The following PHF13 variants were observed in gnomAD, a reference collection of about 807,000 sequenced individuals.
PHF13 encodes PHD zinc finger protein PHF5.
In PHF13, 1 loss-of-function variant was observed where a neutral mutation model predicts 25.8. That is an observed-to-expected ratio of 0.04 (90% confidence interval 0.01 to 0.18). The LOEUF is 0.18. PHF13 is among the 10% of genes least tolerant of loss of function. The pLI is 1.00. For synonymous variants in PHF13, 195 were observed against 162.4 expected (o/e 1.20, Z -1.53); for missense variants, 306 against 403.2 (o/e 0.76, Z 2.06).
chr1:6,616,839 A>G lies in PHF13; in HGVS notation c.122A>G (p.Tyr41Cys), dbSNP rs908608187. 10 of 1,613,936 alleles carry G rather than the reference A, an allele frequency of 6.2e-6. No individual in the cohort carries two copies. The highest frequency in any genetic ancestry group is 8.5e-6 in the Non-Finnish European group (10 of 1,179,902). Residue 41 changes from tyrosine to cysteine, a missense_variant, in exon 2 of 4, where the codon TAC becomes TGC. Around this residue, in one of 5 missense-constraint regions of PHF13, gnomAD observed 36 missense variants for 76.0 expected, o/e 0.47. Coordinates refer to ENST00000377648, the MANE Select transcript of PHF13 (RefSeq NM_153812.3). ...ACCTTTGTCTTGGCCTATGCTGGCT[A>G]CATCCCTTATCCGAAGGAGGTAATC... ...FCTFVLAYAG[Y>C]IPYPKEELPL...
intron 3 of PHF13, 129 bp downstream of exon 3, chr1:6,620,466 C>T: frequency 1.9e-6 from 2 of 1,060,428 alleles, no homozygotes; most frequent in South Asian, 1.7e-5. Flanking sequence ...CCCCACTGTC[C>T]AAGGAGGAGA....
At chr1:6,614,368 C>T (rs932212305) in intron 1 of PHF13, 2 of 469,154 alleles carry the variant, frequency 4.3e-6, no homozygotes, top group Non-Finnish European at 7.5e-6. Flanking sequence ...GCCTATTTCT[C>T]TCCCCCGGGC....
At position 6,620,155 on chromosome 1, in the gene PHF13, G is replaced by A; in HGVS notation, c.494G>A (p.Ser165Asn). 1 of 1,613,920 alleles carries A rather than the reference G, an allele frequency of 6.2e-7. No homozygotes were observed. Among genetic ancestry groups the A allele is most frequent in the Non-Finnish European group, 8.5e-7 (1 of 1,180,034 alleles). ...PTLQDIPQAP[S>N]DPCSGWDSDT... Reference sequence around the variant, plus strand: ...TTGCAGGATATCCCCCAGGCTCCCAGCGACCCCTGCTCGGGCTGGGACTCC... The same window carrying A: ...TTGCAGGATATCCCCCAGGCTCCCAACGACCCCTGCTCGGGCTGGGACTCC... Residue 165 changes from serine to asparagine, a missense_variant, in exon 3 of 4, where the codon AGC becomes AAC. By Grantham distance (46) the Ser-to-Asn change is conservative. Transcript: ENST00000377648.
Position 6,623,111 on chromosome 1 carries a change from C to T in PHF13, c.*1474C>T, listed in dbSNP as rs1570232959. The T allele has an allele frequency of 6.6e-6, 1 of 152,376 alleles. No homozygotes were observed. The highest frequency in any genetic ancestry group is 2.4e-5 in the African/African-American group (1 of 41,578). The allele number at this position is 152,376 out of a possible 1,614,324, so 9.4% of individuals were successfully genotyped here. ...GCGTTCTCACTGCTGGGGGCTTCCC[C>T]TTCATGTGGCACCTTTGTGCCAGGC... On this transcript the variant is annotated 3_prime_UTR_variant, in exon 4 of 4. Coordinates refer to ENST00000377648, the MANE Select transcript of PHF13 (RefSeq NM_153812.3).
intron 2 of PHF13, among the ~76,000 whole-genome samples, chr1:6,619,441 G>A (rs1292416873): frequency 1.3e-5 from 2 of 152,078 alleles, no homozygotes; most frequent in African/African-American, 2.4e-5. Flanking sequence ...CCGGGTTCAA[G>A]CGATTCTCCT....
At chr1:6,617,926 A>T (rs1407056178) in intron 2 of PHF13, among the ~76,000 whole-genome samples, 1 of 152,148 alleles carries the variant, frequency 6.6e-6, no homozygotes, top group Non-Finnish European at 1.5e-5. Flanking sequence ...GTTCAACCAG[A>T]TGGCTGGACT....
chr1:6,623,881 A>G lies in PHF13; in HGVS notation c.*2244A>G, dbSNP rs903645548. 2 of 152,670 alleles carry G rather than the reference A, an allele frequency of 1.3e-5. No individual in the cohort carries two copies. Among genetic ancestry groups the G allele is most frequent in the Non-Finnish European group, 2.9e-5 (2 of 68,060 alleles). 9.5% of individuals were successfully genotyped at this position (152,670 alleles called of 1,614,324 possible). Reference sequence around the variant, plus strand: ...CCCATTGGCTTTGGCCAGGCCAGACACTTCACATCGTTTACATGGTTCTGT... The same window carrying G: ...CCCATTGGCTTTGGCCAGGCCAGACGCTTCACATCGTTTACATGGTTCTGT... On this transcript the variant is annotated 3_prime_UTR_variant, in exon 4 of 4. Coordinates refer to ENST00000377648, the MANE Select transcript of PHF13 (RefSeq NM_153812.3).
chr1:6,620,583 T>C (rs1641323863), intron 3 of PHF13, among the ~76,000 whole-genome samples: 1 of 150,372 alleles, frequency 6.7e-6, no homozygotes, highest in Non-Finnish European at 1.5e-5. Flanking sequence ...TAGTTCTAAG[T>C]AAGCATCCAG....
intron 1 of PHF13, 149 bp downstream of exon 1, chr1:6,614,254 C>T (rs1318684294): frequency 4.8e-5 from 30 of 628,126 alleles, no homozygotes; most frequent in Non-Finnish European, 8.0e-5. Flanking sequence ...CCAACCCCCG[C>T]CCCCTGCTCG....
At position 6,620,114 on chromosome 1, in the gene PHF13, C is replaced by T; in HGVS notation, c.453C>T (p.Thr151=). 6.2e-7 allele frequency: 1 copy of T among 1,613,562 alleles called. No individual in the cohort carries two copies. Among genetic ancestry groups the T allele is most frequent in the Non-Finnish European group, 8.5e-7 (1 of 1,180,016 alleles). Reference sequence around the variant, plus strand: ...AAGCCGCTGACCCCTACGTGGAGACCCCCACGAGTCCCACCTTGCAGGATA... The same window carrying T: ...AAGCCGCTGACCCCTACGTGGAGACTCCCACGAGTCCCACCTTGCAGGATA... ...KLEAADPYVE[T]PTSPTLQDIP... The change falls in exon 3 of 4, where the codon ACC becomes ACT. Residue 151 remains threonine (T), a synonymous_variant. Coordinates refer to ENST00000377648, the MANE Select transcript of PHF13 (RefSeq NM_153812.3).
At chr1:6,614,359 C>T (rs1641220588) in intron 1 of PHF13, 2 of 490,416 alleles carry the variant, frequency 4.1e-6, no homozygotes, top group Non-Finnish European at 7.2e-6. Context: ...GGCCGTTGCG[C>T]CTATTTCTCT....
intron 1 of PHF13, among the ~76,000 whole-genome samples, chr1:6,614,825 C>T (rs866578122): frequency 4.0e-5 from 6 of 151,590 alleles, no homozygotes; most frequent in South Asian, 2.1e-4. Context: ...CTCGGGGCTC[C>T]CGGCCTCCCC....
chr1:6,616,131 C>T (rs35649025), intron 1 of PHF13, among the ~76,000 whole-genome samples: 41,916 of 150,312 alleles, frequency 0.28, 6,200 homozygotes, highest in Middle Eastern at 0.34. Flanking sequence ...CGGGTTCACG[C>T]GATTCTCCTG....
rs1641210437 is a variant in PHF13 at position 6,613,988 on chromosome 1, A to C, written c.-79A>C. 3.0e-6 allele frequency: 3 copies of C among 1,008,692 alleles called. No homozygotes were observed. Among genetic ancestry groups the C allele is most frequent in the African/African-American group, 1.8e-5 (1 of 56,664 alleles). The allele number at this position is 1,008,692 out of a possible 1,614,324, so 62.5% of individuals were successfully genotyped here. On this transcript the variant is annotated 5_prime_UTR_variant, in exon 1 of 4. Transcript: ENST00000377648. ...CGCCCTCGCCCTGCGCAGCCGCCCGAGCCCCCAGCCCCGGGCGGCCCCGCT... is the reference window on the plus strand; with the variant it reads ...CGCCCTCGCCCTGCGCAGCCGCCCGCGCCCCCAGCCCCGGGCGGCCCCGCT...
Position 6,620,324 on chromosome 1 carries a change from C to A in PHF13, c.663C>A (p.Ile221=). 1 of 1,612,126 alleles carries A rather than the reference C, an allele frequency of 6.2e-7. No homozygotes were observed. Among genetic ancestry groups the A allele is most frequent in the South Asian group, 1.1e-5 (1 of 90,834 alleles). ...ACAGCACTGGCAATGATGAGGACAT[C>A]ATGGTGGACTCAGGTGAGTGGTCCC... ...DEDSTGNDED[I]MVDSDDDSWD... is the part of the protein sequence containing the mutation. The change falls in exon 3 of 4, where the codon ATC becomes ATA. Residue 221 remains isoleucine (I), a synonymous_variant. Transcript: ENST00000377648.
rs1403151912 is a variant in PHF13 at position 6,621,416 on chromosome 1, G to C, written c.682G>C (p.Asp228His). Residue 228 changes from aspartate to histidine, a missense_variant, in exon 4 of 4, where the codon GAT (aspartate) becomes CAT (histidine). By Grantham distance (81) the Asp-to-His change is moderately conservative. This residue lies in a region of PHF13 where 13 missense variants were observed against 67.7 expected (regional missense o/e 0.19). Coordinates refer to ENST00000377648, the MANE Select transcript of PHF13 (RefSeq NM_153812.3). This position sits in a 1 kb window ranked among gnomAD's most constrained non-coding sequence, Gnocchi z 4.8. ...GAGAGTATCTTTCCTTCCAGATGAC[G>C]ATTCCTGGGACCTCGTGACCTGCTT... is the stretch of plus-strand genomic sequence containing the variant. Reference protein sequence around the residue: ...DEDIMVDSDDDSWDLVTCFCM... With the variant: ...DEDIMVDSDDHSWDLVTCFCM... 6.2e-7 allele frequency: 1 copy of C among 1,614,048 alleles called. No homozygotes were observed.
chr1:6,621,590 C>A lies in PHF13; in HGVS notation c.856C>A (p.Arg286Ser). The A allele has an allele frequency of 6.2e-7, 1 of 1,614,184 alleles. No individual in the cohort carries two copies. The highest frequency in any genetic ancestry group is 8.5e-7 in the Non-Finnish European group (1 of 1,180,038). The change falls in exon 4 of 4, where the codon CGT becomes AGT. Residue 286 changes from arginine (R) to serine (S), a missense_variant. Physicochemically the swap from Arg to Ser is moderately radical, Grantham distance 110. Transcript: ENST00000377648. The surrounding 1 kb of genome is among the most constrained non-coding windows in gnomAD (Gnocchi z 4.8). The part of the protein sequence containing the change: ...KCRDSKFDIR[R>S]SNRSRTGSRK... ...CCGGGACTCCAAGTTTGACATCCGC[C>A]GTTCCAACCGCTCGCGGACGGGCTC...
Position 6,613,930 on chromosome 1 carries a change from A to C in PHF13, c.-137A>C. 2 of 551,972 alleles carry C rather than the reference A, an allele frequency of 3.6e-6. No homozygotes were observed. Among genetic ancestry groups the C allele is most frequent in the East Asian group, 3.5e-5 (1 of 28,246 alleles). The allele number at this position is 551,972 out of a possible 1,614,324, so 34.2% of individuals were successfully genotyped here. A position where few individuals can be genotyped will look rare whatever the true frequency, so the allele number is the denominator to read the frequency against. ...TGAGAAGCGACGCGCTGAGCCCCCC[A>C]TCACCTCCAGCCCGGGCGACCCCTC... On this transcript the variant is annotated 5_prime_UTR_variant, in exon 1 of 4. Coordinates refer to ENST00000377648, the MANE Select transcript of PHF13 (RefSeq NM_153812.3).
chr1:6,614,326 T>A (rs1415815371), intron 1 of PHF13: 2 of 514,454 alleles, frequency 3.9e-6, no homozygotes, highest in Admixed American at 4.2e-5. Flanking sequence ...GACCTCCGCG[T>A]CCTCCCCGCG....
Sources: gnomAD v4.1 joint callset for allele counts (sites outside exome capture counted in the v4.1 genomes callset) on GRCh38, gnomAD v4.1.1 for gene constraint, gnomAD v4.1.1 regional missense constraint, Gnocchi (gnomAD v3.1) non-coding constraint, MANE v1.5 for transcripts, NCBI Gene and HGNC (gene_info 2026-07-23, HGNC 2026-07-21) for gene names.